Variants in CFAP47 observed in about 807,000 individuals in gnomAD.
CFAP47 encodes cilia and flagella associated protein 47.
Under a neutral mutation model 148.1 loss-of-function variants are expected in CFAP47, and 29 were observed. That is an observed-to-expected ratio of 0.20 (90% CI 0.15 to 0.27). The LOEUF is 0.27. Among genes scored for constraint, CFAP47 ranks in the 10% least tolerant of loss-of-function variants. The pLI is 1.00. For missense variants in CFAP47, 1,872 were observed against 1,697.5 expected (o/e 1.10, Z -1.81); for synonymous variants, 664 against 577.3 (o/e 1.15, Z -2.15).
intron 13 of CFAP47, among the ~76,000 whole-genome samples, chrX:35,973,228 C>T (rs770991710): frequency 6.3e-5 from 7 of 111,340 alleles, no homozygotes; most frequent in South Asian, 3.7e-4. Context: ...CTCGCTCTGT[C>T]GCCCAGGCTG....
chrX:35,948,579 C>T (rs768211951), intron 4 of CFAP47, 127 bp downstream of exon 4: 1 of 530,015 alleles, frequency 1.9e-6, no homozygotes, highest in East Asian at 3.6e-5. Context: ...TTCATTGAGT[C>T]TCTACTATTT....
At chrX:36,190,570 A>G (rs1480777759) in intron 42 of CFAP47, among the ~76,000 whole-genome samples, 1 of 112,464 alleles carries the variant, frequency 8.9e-6, no homozygotes, top group Non-Finnish European at 1.9e-5. Context: ...ACGACAGTCT[A>G]TCAAGTCTCC....
In CFAP47 at chrX:35,996,509, T is replaced by C. The variant is rs182042722; in HGVS notation, c.3100-803T>C. On this transcript the variant is annotated intron_variant, in intron 18 of 63. Coordinates refer to ENST00000378653, the MANE Select transcript of CFAP47 (RefSeq NM_001304548.2). ...TTCTTAGATATAATATACATTTAAA[T>C]TTAAATCTAGACCTTGACTCTTTCC... Among the ~76,000 whole-genome samples the C allele has an allele frequency of 9.1e-3, 1,016 of 111,298 alleles. 8 individuals are homozygous for C. The highest frequency in any genetic ancestry group is 0.042 in the Middle Eastern group (9 of 214).
Position 36,146,137 on chromosome X carries a change from A to G in CFAP47, c.5670+784A>G, listed in dbSNP as rs781453902. On this transcript the variant is annotated intron_variant, in intron 36 of 63. Coordinates refer to ENST00000378653, the MANE Select transcript of CFAP47 (RefSeq NM_001304548.2). ...AAATAACAAGCCTTGAGCTATAATT[A>G]TATTGAATTTTTGACTTCAAAATAA... Among the ~76,000 whole-genome samples the G allele has an allele frequency of 2.7e-5, 3 of 112,086 alleles. No individual in the cohort carries two copies. The Admixed American group carries it at 2.8e-4, about 11-fold the overall frequency.
intron 38 of CFAP47, 62 bp from the exon 39 acceptor site, chrX:36,160,619 A>G (rs1437496857): frequency 3.5e-6 from 1 of 285,076 alleles, no homozygotes; most frequent in Non-Finnish European, 6.2e-6. Context: ...ATTATATTTT[A>G]TAATTCAGAA....
intron 51 of CFAP47, among the ~76,000 whole-genome samples, chrX:36,291,588 G>A (rs1941193366): frequency 9.2e-6 from 1 of 108,438 alleles, no homozygotes. Flanking sequence ...GACTGAACAT[G>A]ACATTGGATT....
At chrX:36,230,642 T>C (rs1314991886) in intron 46 of CFAP47, among the ~76,000 whole-genome samples, 2 of 110,349 alleles carry the variant, frequency 1.8e-5, no homozygotes, top group Admixed American at 9.7e-5. Flanking sequence ...ATTTTGGCTT[T>C]TGTTGCCATT....
chrX:35,972,556 C>T (rs756812854), intron 13 of CFAP47, among the ~76,000 whole-genome samples: 1 of 111,575 alleles, frequency 9.0e-6, no homozygotes, highest in East Asian at 2.8e-4. Context: ...TACCCCTTGC[C>T]TCAGACAACC....
At chrX:36,298,567 G>GA (rs11441062) in intron 51 of CFAP47, among the ~76,000 whole-genome samples, 27,608 of 108,331 alleles carry the variant, frequency 0.25, 4,055 homozygotes, top group African/African-American at 0.54. Context: ...AATAATAAAA[G>GA]AAAAAAAAAT....
intron 2 of CFAP47, among the ~76,000 whole-genome samples, chrX:35,939,522 C>T (rs1286150078): frequency 1.1e-5 from 1 of 94,889 alleles, no homozygotes; most frequent in Non-Finnish European, 2.1e-5. Context: ...TCAATTCCCA[C>T]ATATGAGTGA....
At chrX:36,261,432 T>C (rs1940821167) in intron 49 of CFAP47, among the ~76,000 whole-genome samples, 1 of 97,490 alleles carries the variant, frequency 1.0e-5, no homozygotes. Context: ...GATAAACAAG[T>C]GAACAAAGGT....
chrX:36,026,006 T>C (rs1011006400), intron 22 of CFAP47, among the ~76,000 whole-genome samples: 1 of 112,015 alleles, frequency 8.9e-6, no homozygotes, highest in Non-Finnish European at 1.9e-5. Flanking sequence ...AGAGGGTTGA[T>C]AAATATGTAA....
chrX:36,146,351 G>A (rs1027298660), intron 36 of CFAP47, among the ~76,000 whole-genome samples: 1 of 94,143 alleles, frequency 1.1e-5, no homozygotes, highest in African/African-American at 6.0e-5. Flanking sequence ...GCTAGCTAAC[G>A]TTTAAAAATA....
chrX:36,354,780 G>A (rs1365612350), intron 60 of CFAP47, among the ~76,000 whole-genome samples: 1 of 110,846 alleles, frequency 9.0e-6, no homozygotes. Context: ...TCTTGCCAAA[G>A]ACCCTGTGCT....
intron 8 of CFAP47, among the ~76,000 whole-genome samples, chrX:35,958,000 C>T (rs1353939616): frequency 9.0e-6 from 1 of 111,635 alleles, no homozygotes; most frequent in African/African-American, 3.3e-5. Flanking sequence ...GTTCTCTTCA[C>T]CCCAAAAAGA....
intron 49 of CFAP47, among the ~76,000 whole-genome samples, chrX:36,257,329 G>A (rs1211230526): frequency 9.0e-6 from 1 of 111,657 alleles, no homozygotes; most frequent in African/African-American, 3.3e-5. Flanking sequence ...AACAAAACCA[G>A]GCTAGAAGAC....
At chrX:36,173,834 A>G (rs914594314) in intron 39 of CFAP47, among the ~76,000 whole-genome samples, 1 of 111,684 alleles carries the variant, frequency 9.0e-6, no homozygotes, top group Admixed American at 9.5e-5. Flanking sequence ...TGCAGAGCTG[A>G]GCTCAATTCC....
At chrX:36,258,443 A>G (rs782000363) in intron 49 of CFAP47, among the ~76,000 whole-genome samples, 1 of 111,776 alleles carries the variant, frequency 8.9e-6, no homozygotes, top group African/African-American at 3.2e-5. Context: ...TTATTCTGGA[A>G]TATAAGCCAA....
intron 57 of CFAP47, among the ~76,000 whole-genome samples, chrX:36,332,945 T>C (rs17319948): frequency 0.21 from 23,737 of 111,251 alleles, 2,406 homozygotes; most frequent in East Asian, 0.47. Flanking sequence ...TTAGAGTGTG[T>C]TGAATAATTA....
Sources: gnomAD v4.1 joint callset for allele counts (sites outside exome capture counted in the v4.1 genomes callset) on GRCh38, gnomAD v4.1.1 for gene constraint, MANE v1.5 for transcripts, NCBI Gene and HGNC (gene_info 2026-07-23, HGNC 2026-07-21) for gene names.